The following SI variants were observed in gnomAD, a reference collection of about 807,000 sequenced individuals.
The protein encoded by SI is sucrase-isomaltase, intestinal.
SI carries 235 observed loss-of-function variants against 253.3 expected under a neutral mutation model. That is an observed-to-expected ratio of 0.93 (90% CI 0.83 to 1.03). SI has a LOEUF of 1.03. Ranked by LOEUF, SI falls within the 50% of genes least tolerant of loss-of-function variation. SI has a pLI of 0.00. For missense variants in SI, 2,442 were observed against 2,211.1 expected (o/e 1.10, Z -2.09); for synonymous variants, 819 against 712.0 (o/e 1.15, Z -2.39).
chr3:165,086,670 T>C, the SI span, among the ~76,000 whole-genome samples: 1 of 152,208 alleles, frequency 6.6e-6, no homozygotes, highest in African/African-American at 2.4e-5. Context: ...CATTTGGCAG[T>C]TGGAGTTACA....
At chr3:164,983,450 G>GA (rs1717292247) in intron 45 of SI, among the ~76,000 whole-genome samples, 1 of 151,808 alleles carries the variant, frequency 6.6e-6, no homozygotes, top group Non-Finnish European at 1.5e-5. Flanking sequence ...TAATATAAAG[G>GA]AAAAAAGAAC....
intron 38 of SI, among the ~76,000 whole-genome samples, chr3:164,998,029 C>T (rs1718095848): frequency 6.6e-6 from 1 of 151,582 alleles, no homozygotes; most frequent in African/African-American, 2.4e-5. Flanking sequence ...ATTTCTATTC[C>T]TCTGGGTATA....
chr3:165,017,726 T>C (rs1411076562), intron 30 of SI, 35 bp downstream of exon 30: 4 of 1,594,150 alleles, frequency 2.5e-6, no homozygotes, highest in South Asian at 1.1e-5. Flanking sequence ...GCTATAAAAA[T>C]TTTTAATTTT....
At chr3:165,045,069 CT>C (rs1713036005) in intron 16 of SI, among the ~76,000 whole-genome samples, 1 of 151,986 alleles carries the variant, frequency 6.6e-6, no homozygotes, top group Non-Finnish European at 1.5e-5. Context: ...CTGTGTTAAT[CT>C]ATTTGTATAT....
At chr3:164,998,484 A>G (rs766275314) in intron 38 of SI, 56 bp downstream of exon 38, 124 of 1,574,604 alleles carry the variant, frequency 7.9e-5, no homozygotes, top group Non-Finnish European at 1.0e-4. Context: ...CACCAGCAAA[A>G]GTGAGTATCT....
intron 15 of SI, among the ~76,000 whole-genome samples, chr3:165,048,068 T>C (rs116420049): frequency 1.6e-3 from 240 of 152,204 alleles, no homozygotes; most frequent in African/African-American, 5.3e-3. Flanking sequence ...TAATACTCCA[T>C]TGAGTTTACA....
chr3:165,035,597 C>T (rs1712491082), intron 22 of SI, among the ~76,000 whole-genome samples: 2 of 151,262 alleles, frequency 1.3e-5, no homozygotes, highest in African/African-American at 4.8e-5. Context: ...TCTTGTTGTC[C>T]TTCCTATATT....
intron 33 of SI, 53 bp downstream of exon 33, chr3:165,015,070 T>C: frequency 2.9e-6 from 4 of 1,364,704 alleles, no homozygotes; most frequent in Non-Finnish European, 4.2e-6. Context: ...ATGGAAACTT[T>C]CATTGAAATA....
intron 21 of SI, among the ~76,000 whole-genome samples, chr3:165,037,226 T>A (rs1002687991): frequency 1.3e-5 from 2 of 151,922 alleles, no homozygotes; most frequent in African/African-American, 2.4e-5. Context: ...TAATATAATT[T>A]CAGATATTCT....
At chr3:164,982,560 A>C in intron 46 of SI, 150 bp from the exon 47 acceptor site, 1 of 663,842 alleles carries the variant, frequency 1.5e-6, no homozygotes, top group Non-Finnish European at 2.6e-6. Flanking sequence ...CATAATAAAC[A>C]TGAATAAAAC....
intron 8 of SI, among the ~76,000 whole-genome samples, chr3:165,063,057 T>C (rs1239838346): frequency 2.0e-5 from 3 of 152,100 alleles, no homozygotes; most frequent in Non-Finnish European, 4.4e-5. Context: ...ATATGAGTTA[T>C]GATAAACTAA....
chr3:164,987,129 A>T lies in SI; in HGVS notation c.5197+9T>A. ...TCAATTAAATTTATCTACTAAATCG[A>T]GCACTCACCTATACTCTCTCCATCA... is the stretch of plus-strand genomic sequence containing the variant. On this transcript the variant is annotated intron_variant, in intron 45 of 47. Coordinates refer to ENST00000264382, the MANE Select transcript of SI (RefSeq NM_001041.4). The T allele has an allele frequency of 6.3e-7, 1 of 1,598,256 alleles. No individual in the cohort carries two copies. Among genetic ancestry groups the T allele is most frequent in the East Asian group, 2.2e-5 (1 of 44,712 alleles).
chr3:165,027,127 C>T (rs961532381), intron 25 of SI, among the ~76,000 whole-genome samples: 1 of 151,004 alleles, frequency 6.6e-6, no homozygotes, highest in South Asian at 2.1e-4. Context: ...AAATGAAATG[C>T]GAGATACTAC....
intron 43 of SI, 98 bp from the exon 44 acceptor site, chr3:164,991,575 A>G (rs1717735878): frequency 7.9e-7 from 1 of 1,268,446 alleles, no homozygotes; most frequent in East Asian, 2.4e-5. Flanking sequence ...ATCAAATGAT[A>G]CACTTTTAGA....
At chr3:164,988,863 C>A (rs1439471314) in intron 44 of SI, among the ~76,000 whole-genome samples, 1 of 152,074 alleles carries the variant, frequency 6.6e-6, no homozygotes, top group African/African-American at 2.4e-5. Flanking sequence ...AGGAGAGAAA[C>A]AGAAATCCAG....
At chr3:165,085,705 A>G in the SI span, among the ~76,000 whole-genome samples, 1 of 152,194 alleles carries the variant, frequency 6.6e-6, no homozygotes, top group Non-Finnish European at 1.5e-5. Context: ...ACTGGATGCA[A>G]AAGTCTCAAT....
chr3:165,041,152 G>C, intron 17 of SI, 58 bp from the exon 18 acceptor site: 1 of 1,501,620 alleles, frequency 6.7e-7, no homozygotes, highest in Non-Finnish European at 9.2e-7. Context: ...GAAAATTAAA[G>C]TAGAAGCATT....
intron 29 of SI, 42 bp downstream of exon 29, chr3:165,017,928 A>T (rs776522825): frequency 1.3e-6 from 2 of 1,578,234 alleles, no homozygotes; most frequent in East Asian, 4.5e-5. Context: ...TTTATGAAAA[A>T]GTCACATAAA....
At chr3:165,089,446 A>G in the SI span, among the ~76,000 whole-genome samples, 3 of 152,084 alleles carry the variant, frequency 2.0e-5, no homozygotes, top group Non-Finnish European at 4.4e-5. Flanking sequence ...CACCCCTGGT[A>G]CAGACACTCA....
Sources: gnomAD v4.1 joint callset for allele counts (sites outside exome capture counted in the v4.1 genomes callset) on GRCh38, gnomAD v4.1.1 for gene constraint, MANE v1.5 for transcripts, NCBI Gene and HGNC (gene_info 2026-07-23, HGNC 2026-07-21) for gene names.